Variants in ARL15 observed in about 807,000 individuals in gnomAD.
ARL15 encodes the protein ADP-ribosylation factor-like protein 15.
Under a neutral mutation model 25.2 loss-of-function variants are expected in ARL15, and 19 were observed. The observed-to-expected ratio is 0.75, with a 90% CI of 0.53 to 1.10. The LOEUF is 1.10. ARL15 is among the 50% of genes least tolerant of loss of function. The pLI is 0.00. For missense variants in ARL15, 220 were observed against 246.0 expected (o/e 0.89, Z 0.71); for synonymous variants, 94 against 86.8 (o/e 1.08, Z -0.46).
chr5:53,921,918 A>T (rs1745871269), intron 4 of ARL15, among the ~76,000 whole-genome samples: 1 of 152,238 alleles, frequency 6.6e-6, no homozygotes, highest in Admixed American at 6.5e-5. Context: ...TTCCCTTTTA[A>T]AACAAAAAAT....
chr5:54,236,407 GACACACACACACACAC>G (rs72439978), intron 1 of ARL15, among the ~76,000 whole-genome samples: 8 of 140,644 alleles, frequency 5.7e-5, no homozygotes, highest in African/African-American at 2.0e-4. Flanking sequence ...ACTAAACACA[GACACACACACACACAC>G]ACACACACAC....
At chr5:54,098,184 G>A (rs151163832) in intron 4 of ARL15, among the ~76,000 whole-genome samples, 1 of 152,076 alleles carries the variant, frequency 6.6e-6, no homozygotes, top group African/African-American at 2.4e-5. Flanking sequence ...GCAATTCAAA[G>A]GTAAGTGAAA....
intron 4 of ARL15, among the ~76,000 whole-genome samples, chr5:53,925,695 C>T (rs1406204807): frequency 1.3e-5 from 2 of 152,078 alleles, no homozygotes; most frequent in African/African-American, 2.4e-5. Context: ...GTAGTTCTAG[C>T]TACTCTGGAG....
chr5:54,185,184 C>A (rs1355679328), intron 1 of ARL15, among the ~76,000 whole-genome samples: 2 of 152,150 alleles, frequency 1.3e-5, no homozygotes, highest in Admixed American at 6.5e-5. Context: ...GCCCTCAAGG[C>A]AATCCTATGC....
chr5:54,044,442 G>A (rs1181406561), intron 4 of ARL15, among the ~76,000 whole-genome samples: 1 of 151,702 alleles, frequency 6.6e-6, no homozygotes, highest in South Asian at 2.1e-4. Context: ...ATGGTATTTC[G>A]CCACGTTGGC....
At chr5:54,292,827 G>A (rs1162438841) in intron 1 of ARL15, among the ~76,000 whole-genome samples, 1 of 152,042 alleles carries the variant, frequency 6.6e-6, no homozygotes, top group Non-Finnish European at 1.5e-5. Flanking sequence ...AAAACAAAAG[G>A]ATACTAGCCC....
At chr5:53,892,556 G>A (rs1744751055) in intron 4 of ARL15, among the ~76,000 whole-genome samples, 1 of 151,768 alleles carries the variant, frequency 6.6e-6, no homozygotes, top group Non-Finnish European at 1.5e-5. Flanking sequence ...CATGGTTTTG[G>A]GATGGATTCA....
intron 4 of ARL15, among the ~76,000 whole-genome samples, chr5:53,949,653 G>A (rs1291783871): frequency 6.6e-6 from 1 of 152,106 alleles, no homozygotes; most frequent in Non-Finnish European, 1.5e-5. Flanking sequence ...GTTTTTTGGA[G>A]GGCCTGACTT....
intron 4 of ARL15, among the ~76,000 whole-genome samples, chr5:54,024,276 C>T (rs1749709320): frequency 6.6e-6 from 1 of 152,150 alleles, no homozygotes; most frequent in Non-Finnish European, 1.5e-5. Context: ...TCTTTCTCAG[C>T]TATCTTTGTA....
intron 4 of ARL15, among the ~76,000 whole-genome samples, chr5:53,922,861 TC>T (rs1316512174): frequency 6.6e-6 from 1 of 152,090 alleles, no homozygotes; most frequent in Non-Finnish European, 1.5e-5. Context: ...AACTGTCTAT[TC>T]CCCTGGGGAC....
chr5:54,136,843 G>T (rs1353335691), intron 3 of ARL15, among the ~76,000 whole-genome samples: 1 of 151,212 alleles, frequency 6.6e-6, no homozygotes, highest in African/African-American at 2.4e-5. Context: ...ACTTTACTGG[G>T]AAGCTAGACA....
intron 4 of ARL15, among the ~76,000 whole-genome samples, chr5:54,070,551 C>T (rs112625687): frequency 4.6e-5 from 7 of 152,030 alleles, no homozygotes; most frequent in African/African-American, 1.7e-4. Flanking sequence ...ATAAGAAATA[C>T]ATTTCTTGGT....
chr5:54,088,440 C>T (rs439484), intron 4 of ARL15, among the ~76,000 whole-genome samples: 2,220 of 152,174 alleles, frequency 0.015, 36 homozygotes, highest in African/African-American at 0.038. Flanking sequence ...TAAAACAAAA[C>T]TGTAAAAAAA....
chr5:54,174,888 A>C (rs1361367367), intron 1 of ARL15, among the ~76,000 whole-genome samples: 1 of 152,180 alleles, frequency 6.6e-6, no homozygotes, highest in Non-Finnish European at 1.5e-5. Flanking sequence ...AGACAACAAA[A>C]CTAGTCACAC....
At chr5:54,104,386 C>T (rs918769995) in intron 4 of ARL15, among the ~76,000 whole-genome samples, 1 of 152,168 alleles carries the variant, frequency 6.6e-6, no homozygotes, top group Admixed American at 6.5e-5. Flanking sequence ...GACTTTCATA[C>T]ATGCGCCTGT....
intron 1 of ARL15, among the ~76,000 whole-genome samples, chr5:54,307,019 T>C (rs1224714419): frequency 6.6e-6 from 1 of 152,214 alleles, no homozygotes; most frequent in Non-Finnish European, 1.5e-5. Context: ...TTACTAGTTC[T>C]ACCTATGAGA....
chr5:54,214,839 C>T (rs921054319), intron 1 of ARL15, among the ~76,000 whole-genome samples: 1 of 152,098 alleles, frequency 6.6e-6, no homozygotes, highest in Non-Finnish European at 1.5e-5. Context: ...AGCTGTGACC[C>T]CACATTGGAA....
intron 1 of ARL15, among the ~76,000 whole-genome samples, chr5:54,204,036 G>A (rs942929277): frequency 6.6e-6 from 1 of 151,920 alleles, no homozygotes; most frequent in African/African-American, 2.4e-5. Context: ...TAATATTATG[G>A]TTCTATAAAA....
intron 4 of ARL15, among the ~76,000 whole-genome samples, chr5:54,011,210 G>A (rs1749232341): frequency 7.7e-6 from 1 of 129,434 alleles, no homozygotes; most frequent in Non-Finnish European, 1.6e-5. Flanking sequence ...TCAACCTTTA[G>A]AAATATATAC....
Sources: allele counts gnomAD v4.1 joint callset (sites outside exome capture counted in the v4.1 genomes callset), GRCh38; gene constraint gnomAD v4.1.1; transcripts MANE v1.5; gene names NCBI Gene and HGNC (gene_info 2026-07-23, HGNC 2026-07-21).